ABAT: variants seen among roughly 807,000 people sequenced by gnomAD.
ABAT encodes the protein 4-aminobutyrate aminotransferase, also known as 4-aminobutyrate aminotransferase, mitochondrial.
Under a neutral mutation model 64.6 loss-of-function variants are expected in ABAT, and 45 were observed. The ratio of observed to expected loss-of-function variants is 0.70; its 90% CI spans 0.55 to 0.89. The LOEUF (loss-of-function observed/expected upper bound fraction) is 0.89. Among genes scored for constraint, ABAT ranks in the 40% least tolerant of loss-of-function variants. ABAT has a pLI of 0.00. For synonymous variants in ABAT, 297 were observed against 250.5 expected (o/e 1.19, Z -1.75); for missense variants, 633 against 658.4 (o/e 0.96, Z 0.42).
intron 2 of ABAT, among the ~76,000 whole-genome samples, chr16:8,737,846 T>C (rs573166406): frequency 5.6e-4 from 83 of 147,164 alleles, no homozygotes; most frequent in African/African-American, 1.8e-3. Context: ...AAGAAGCACT[T>C]GAACCCAGAA....
At chr16:8,701,214 G>A (rs1016107090) in intron 1 of ABAT, among the ~76,000 whole-genome samples, 3 of 152,320 alleles carry the variant, frequency 2.0e-5, no homozygotes, top group South Asian at 2.1e-4. Flanking sequence ...GATTGTAGGC[G>A]TGAGCCACAA....
At chr16:8,736,818 T>C (rs1440081676) in intron 2 of ABAT, 1 of 152,266 alleles carries the variant, frequency 6.6e-6, no homozygotes, top group African/African-American at 2.4e-5. Flanking sequence ...AGCAACTCTG[T>C]CCGGCTCCAA....
intron 1 of ABAT, among the ~76,000 whole-genome samples, chr16:8,675,280 A>T (rs571788325): frequency 3.0e-4 from 46 of 151,348 alleles, no homozygotes; most frequent in African/African-American, 9.2e-4. Flanking sequence ...CCTGCCGGAG[A>T]CCCCTCCCTA....
At chr16:8,738,410 T>G (rs1451709329) in intron 2 of ABAT, 1 of 455,952 alleles carries the variant, frequency 2.2e-6, no homozygotes, top group Admixed American at 2.3e-5. Context: ...TGGCTTTCAC[T>G]CATTTTTCCT....
intron 1 of ABAT, among the ~76,000 whole-genome samples, chr16:8,679,038 G>C (rs982530863): frequency 1.3e-5 from 2 of 152,128 alleles, no homozygotes; most frequent in Non-Finnish European, 2.9e-5. Context: ...AGCAAAGTGG[G>C]CTGGCCACCT....
intron 1 of ABAT, among the ~76,000 whole-genome samples, chr16:8,732,212 TGTTTG>T (rs200260287): frequency 1.5e-5 from 2 of 129,784 alleles, no homozygotes; most frequent in South Asian, 2.6e-4. Context: ...TTTTTTTGTT[TGTTTG>T]TTTTTTTAAT....
intron 2 of ABAT, chr16:8,736,912 G>GC (rs1230995431): frequency 2.0e-5 from 3 of 152,304 alleles, no homozygotes; most frequent in Middle Eastern, 6.8e-3. Flanking sequence ...CCCCGAGAGT[G>GC]GCCTCCTGCA....
At chr16:8,760,663 C>T (rs59948754) in intron 6 of ABAT, among the ~76,000 whole-genome samples, 1 of 152,158 alleles carries the variant, frequency 6.6e-6, no homozygotes, top group Non-Finnish European at 1.5e-5. Context: ...TTGTGCGAAT[C>T]CCAGATGCCT....
intron 1 of ABAT, among the ~76,000 whole-genome samples, chr16:8,697,939 G>T (rs1257241474): frequency 6.6e-6 from 1 of 152,118 alleles, no homozygotes; most frequent in Non-Finnish European, 1.5e-5. Context: ...ACCTGACCCT[G>T]TGCAAGCTTT....
intron 6 of ABAT, among the ~76,000 whole-genome samples, chr16:8,762,662 C>G (rs2059831458): frequency 6.6e-6 from 1 of 152,186 alleles, no homozygotes; most frequent in African/African-American, 2.4e-5. Context: ...TTCCTAGACC[C>G]AGACGGCTGT....
At chr16:8,682,658 G>A (rs2057362969) in intron 1 of ABAT, among the ~76,000 whole-genome samples, 1 of 152,174 alleles carries the variant, frequency 6.6e-6, no homozygotes, top group African/African-American at 2.4e-5. Flanking sequence ...TTCACTGCCA[G>A]CATCTCCCAT....
At chr16:8,680,006 A>T (rs1166535487) in intron 1 of ABAT, among the ~76,000 whole-genome samples, 1 of 152,090 alleles carries the variant, frequency 6.6e-6, no homozygotes, top group Non-Finnish European at 1.5e-5. Context: ...CAATAATAAG[A>T]TTGACTCTCC....
At chr16:8,719,929 A>G (rs1297858620) in intron 1 of ABAT, among the ~76,000 whole-genome samples, 2 of 152,186 alleles carry the variant, frequency 1.3e-5, no homozygotes, top group Non-Finnish European at 2.9e-5. Context: ...CTCCTGCCTC[A>G]GCCTCCCAAG....
intron 11 of ABAT, among the ~76,000 whole-genome samples, chr16:8,769,327 G>A (rs2060034831): frequency 6.6e-6 from 1 of 152,140 alleles, no homozygotes; most frequent in African/African-American, 2.4e-5. Flanking sequence ...AGCACTTTGG[G>A]AGGCTGAGAC....
At chr16:8,771,538 G>A (rs902238240) in intron 11 of ABAT, among the ~76,000 whole-genome samples, 10 of 148,374 alleles carry the variant, frequency 6.7e-5, no homozygotes, top group Non-Finnish European at 1.3e-4. Flanking sequence ...ACGATATCTC[G>A]GCTCATTGCA....
intron 1 of ABAT, among the ~76,000 whole-genome samples, chr16:8,685,431 A>T (rs1218360032): frequency 6.6e-6 from 1 of 151,970 alleles, no homozygotes; most frequent in East Asian, 1.9e-4. Flanking sequence ...GCACTTTGGG[A>T]GGCCGAGGCA....
rs1015249685 is a variant in ABAT, at chr16:8,769,028, G to A, written c.816+55G>A. On this transcript the variant is annotated intron_variant, in intron 11 of 15. Coordinates refer to ENST00000268251, the MANE Select transcript of ABAT (RefSeq NM_020686.6). ...AACCACCAGTCCTGTTGCTCTTGCC[G>A]CCCCAAGACTTGGGGAGAAGAGAAA... 6.7e-5 allele frequency: 108 copies of A among 1,609,744 alleles called. No individual in the cohort carries two copies. The African/African-American group carries it at 8.3e-4, about 12-fold the overall frequency.
chr16:8,753,126 C>G (rs2059540926), intron 5 of ABAT, among the ~76,000 whole-genome samples: 1 of 146,512 alleles, frequency 6.8e-6, no homozygotes, highest in African/African-American at 2.5e-5. Context: ...CGGAGTCTTG[C>G]TCTGTCGCCC....
At chr16:8,739,194 C>A (rs2059085331) in intron 2 of ABAT, among the ~76,000 whole-genome samples, 1 of 152,176 alleles carries the variant, frequency 6.6e-6, no homozygotes, top group Non-Finnish European at 1.5e-5. Context: ...CCTGGTGGCG[C>A]ATGTGGCACC....
Sources: gnomAD v4.1 joint callset for allele counts (sites outside exome capture counted in the v4.1 genomes callset) on GRCh38, gnomAD v4.1.1 for gene constraint, MANE v1.5 for transcripts, NCBI Gene and HGNC (gene_info 2026-07-23, HGNC 2026-07-21) for gene names.